DUX4: variants seen among roughly 807,000 people sequenced by gnomAD.
DUX4 encodes the protein double homeobox protein 4.
At chr4:190,179,783 GCCCCT>G (rs1742511676), downstream of DUX4, among the ~76,000 whole-genome samples, 535 of 137,932 alleles carry the variant, frequency 3.9e-3, no homozygotes, top group East Asian at 6.7e-3. Flanking sequence ...ATGTCAAAAT[GCCCCT>G]GTAGGCAAGC....
chr4:190,176,032 G>A (rs1335391219), downstream of DUX4, among the ~76,000 whole-genome samples: 2 of 108,832 alleles, frequency 1.8e-5, no homozygotes, highest in African/African-American at 5.3e-5. Flanking sequence ...TAAAATTCTC[G>A]TGTAGACAGA....
At chr4:190,185,628 GT>G (rs2126588525) in intron 2 of DUX4, among the ~76,000 whole-genome samples, 1 of 90,368 alleles carries the variant, frequency 1.1e-5, no homozygotes, top group South Asian at 5.8e-4. Flanking sequence ...GGACATTTTT[GT>G]TTTAATCTCA....
chr4:190,176,347 C>G (rs1469316303), downstream of DUX4, among the ~76,000 whole-genome samples: 202 of 115,656 alleles, frequency 1.7e-3, 27 homozygotes, highest in African/African-American at 4.9e-3. Context: ...CCTGGGTGAT[C>G]AGTGCAGAGA....
downstream of DUX4, among the ~76,000 whole-genome samples, chr4:190,177,199 G>GGCAGA: frequency 8.0e-6 from 1 of 125,616 alleles, no homozygotes; most frequent in Non-Finnish European, 1.7e-5. Flanking sequence ...CGCCCCTGTA[G>GGCAGA]GCAGAGCCTA....
chr4:190,178,842 C>T (rs1742456138), downstream of DUX4, among the ~76,000 whole-genome samples: 23 of 150,794 alleles, frequency 1.5e-4, no homozygotes, highest in African/African-American at 5.1e-4. Flanking sequence ...CCCCTGTAGG[C>T]AGAGCTTATA....
downstream of DUX4, among the ~76,000 whole-genome samples, chr4:190,177,951 G>T (rs1742396184): frequency 2.1e-4 from 23 of 109,756 alleles, no homozygotes; most frequent in East Asian, 9.2e-4. Context: ...TCTCCAGTAG[G>T]CAGAGCCTAG....
chr4:190,181,492 G>T (rs1579837519), intron 1 of DUX4, among the ~76,000 whole-genome samples: 1,362 of 80,528 alleles, frequency 0.017, no homozygotes, highest in African/African-American at 0.028. Flanking sequence ...TACGTCACAA[G>T]GCCCCCTATA....
chr4:190,177,404 G>GAAAA (rs1742365141), downstream of DUX4, among the ~76,000 whole-genome samples: 6 of 99,778 alleles, frequency 6.0e-5, no homozygotes, highest in South Asian at 3.2e-4. Context: ...AGCCCCTGTA[G>GAAAA]GTCGAGTCTA....
chr4:190,181,243 C>CAATGCCACAAGTAGGTAGAGCCTAGAAA (rs1742556543), intron 1 of DUX4, among the ~76,000 whole-genome samples: 1 of 16,054 alleles, frequency 6.2e-5, no homozygotes, highest in African/African-American at 2.2e-4. Context: ...AAATCCAAGA[C>CAATGCCACAAGTAGGTAGAGCCTAGAAA]AAGAGTCTGT....
chr4:190,178,225 G>T (rs1579833944), downstream of DUX4, among the ~76,000 whole-genome samples: 260 of 150,218 alleles, frequency 1.7e-3, no homozygotes, highest in East Asian at 5.8e-3. Context: ...GCCCCCTGTA[G>T]GCAGAGCATA....
At chr4:190,182,208 T>TAGGGTGAGGGTTAGGGTGAGGGTG (rs1208701370) in intron 1 of DUX4, 1 of 110,390 alleles carries the variant, frequency 9.1e-6, no homozygotes, top group Non-Finnish European at 2.1e-5. Flanking sequence ...GGGTGAGGGT[T>TAGGGTGAGGGTTAGGGTGAGGGTG]AGGGTGAGGG....
chr4:190,181,311 G>GAC lies in DUX4; in HGVS notation n.93-4029_93-4028insCA, dbSNP rs1742564081. ...ATGCCGCCAGTAGGCAGAGCCTAAA[G>GAC]AAGAGTCCCATCCCCTGGGTGATCT... On this transcript the variant is annotated intron_variant and non_coding_transcript_variant, in intron 1 of 2. Transcript: ENST00000563716. Among the ~76,000 whole-genome samples the GAC allele has an allele frequency of 1.0e-3, 17 of 17,074 alleles. 4 individuals are homozygous for GAC. The highest frequency in any genetic ancestry group is 2.3e-3 in the South Asian group (1 of 438). 11.2% of individuals were successfully genotyped at this position (17,074 alleles called of 152,430 possible).
downstream of DUX4, among the ~76,000 whole-genome samples, chr4:190,178,195 G>T (rs1234598963): frequency 0.012 from 29 of 2,362 alleles, no homozygotes; most frequent in Non-Finnish European, 0.017. Context: ...TGGGTGATCA[G>T]TGCAGAGATA....
intron 1 of DUX4, among the ~76,000 whole-genome samples, chr4:190,181,627 A>ATG (rs1742586656): frequency 1.2e-5 from 1 of 85,380 alleles, no homozygotes. Context: ...ATATGTCAGA[A>ATG]AGCCCCCTGT....
At chr4:190,180,003 CTTAAACTAGAG>C (rs1742523792), downstream of DUX4, among the ~76,000 whole-genome samples, 1 of 150,246 alleles carries the variant, frequency 6.7e-6, no homozygotes, top group Non-Finnish European at 1.5e-5. Flanking sequence ...TTAGGCAGAG[CTTAAACTAGAG>C]TTACATCACC....
downstream of DUX4, among the ~76,000 whole-genome samples, chr4:190,177,114 T>TCACAATGTCCCCAGTAGGCAGAGAGTGGA (rs1742342406): frequency 6.6e-6 from 1 of 151,876 alleles, no homozygotes; most frequent in Non-Finnish European, 1.5e-5. Context: ...CAGAGATATT[T>TCACAATGTCCCCAGTAGGCAGAGAGTGGA]CACAATGTCC....
chr4:190,181,653 A>T (rs1579837896), intron 1 of DUX4, among the ~76,000 whole-genome samples: 73 of 128,908 alleles, frequency 5.7e-4, no homozygotes, highest in Admixed American at 8.0e-4. Context: ...GAGCCTAGAC[A>T]AGAGTCCCAT....
chr4:190,178,285 TCCC>T (rs1742415419), downstream of DUX4, among the ~76,000 whole-genome samples: 1 of 109,026 alleles, frequency 9.2e-6, no homozygotes, highest in Middle Eastern at 5.6e-3. Flanking sequence ...TGTCACAATG[TCCC>T]CTGTAGGCAG....
At chr4:190,178,888 T>TCACA (rs1742460677), downstream of DUX4, among the ~76,000 whole-genome samples, 12 of 48,548 alleles carry the variant, frequency 2.5e-4, no homozygotes, top group Admixed American at 7.4e-4. Flanking sequence ...AGTGCAGATC[T>TCACA]ATGTCACAAT....
Sources: allele counts gnomAD v4.1 joint callset (sites outside exome capture counted in the v4.1 genomes callset), GRCh38; gene constraint gnomAD v4.1.1; transcripts MANE v1.5; gene names NCBI Gene and HGNC (gene_info 2026-07-23, HGNC 2026-07-21).